AKR1D1: variants seen among roughly 807,000 people sequenced by gnomAD.
The protein encoded by AKR1D1 is aldo-keto reductase family 1 member D1, also known as delta(4)-3-ketosteroid 5-beta-reductase.
In AKR1D1, 32 loss-of-function variants were observed where a neutral mutation model predicts 42.6. That is an observed-to-expected ratio of 0.75 (90% CI 0.57 to 1.01). The LOEUF is 1.01. Ranked by LOEUF, AKR1D1 falls within the 50% of genes least tolerant of loss-of-function variation. AKR1D1 has a pLI of 0.00. For missense variants in AKR1D1, 364 were observed against 402.2 expected (o/e 0.91, Z 0.81); for synonymous variants, 123 against 135.5 (o/e 0.91, Z 0.64).
At chr7:138,081,055 T>C (rs1803044853) in intron 1 of AKR1D1, among the ~76,000 whole-genome samples, 1 of 152,192 alleles carries the variant, frequency 6.6e-6, no homozygotes. Context: ...AAAAGGAGTG[T>C]TCTCTGGGCC....
chr7:138,107,344 G>A (rs1483138047), intron 6 of AKR1D1, 71 bp from the exon 7 acceptor site: 32 of 1,510,210 alleles, frequency 2.1e-5, no homozygotes, highest in Non-Finnish European at 2.9e-5. Flanking sequence ...AGACAGAGGA[G>A]GAGGATGGTT....
At chr7:138,103,317 G>A (rs558099760) in intron 4 of AKR1D1, among the ~76,000 whole-genome samples, 13 of 152,048 alleles carry the variant, frequency 8.5e-5, no homozygotes, top group South Asian at 2.1e-4. Context: ...AATAATAAAA[G>A]GAAAATGAAC....
At chr7:138,092,790 C>T (rs2117436836) in intron 3 of AKR1D1, among the ~76,000 whole-genome samples, 1 of 152,174 alleles carries the variant, frequency 6.6e-6, no homozygotes, top group East Asian at 1.9e-4. Flanking sequence ...ATAAGATACA[C>T]CTATACCTGG....
Position 138,107,439 on chromosome 7 carries a change from G to T in AKR1D1, c.714G>T (p.Leu238Phe). 1 of 1,614,116 alleles carries T rather than the reference G, an allele frequency of 6.2e-7. No homozygotes were observed. The highest frequency in any genetic ancestry group is 2.2e-5 in the East Asian group (1 of 44,876). ...GGGTGAATGTTTCTTCTCCACCTTT[G>T]TTAAAGGATGCACTTCTAAACTCAT... ...PIWVNVSSPP[L>F]LKDALLNSLG... Residue 238 changes from leucine (L) to phenylalanine (F), a missense_variant, in exon 7 of 9, where the codon TTG (leucine) becomes TTT (phenylalanine). Coordinates refer to ENST00000242375, the MANE Select transcript of AKR1D1 (RefSeq NM_005989.4).
rs934194569 is a variant in AKR1D1, at chr7:138,118,006, G to C, written c.*1344G>C. 2 of 151,950 alleles carry C rather than the reference G, an allele frequency of 1.3e-5. No homozygotes were observed. Among genetic ancestry groups the C allele is most frequent in the African/African-American group, 4.8e-5 (2 of 41,356 alleles). 9.4% of individuals were successfully genotyped at this position (151,950 alleles called of 1,614,324 possible). On this transcript the variant is annotated 3_prime_UTR_variant, in exon 9 of 9. Coordinates refer to ENST00000242375, the MANE Select transcript of AKR1D1 (RefSeq NM_005989.4). ...TGCAGTCCGGCCTGGGTGAAAGAGC[G>C]AGACTCCGTCTCAAAAACAAAAAAA...
chr7:138,099,912 C>G (rs574899142), intron 4 of AKR1D1, among the ~76,000 whole-genome samples: 2 of 143,854 alleles, frequency 1.4e-5, no homozygotes, highest in South Asian at 4.3e-4. Flanking sequence ...GACCATGGAG[C>G]ACAAAAGAGG....
chr7:138,115,606 G>T (rs1190143730), intron 8 of AKR1D1, among the ~76,000 whole-genome samples: 1 of 152,084 alleles, frequency 6.6e-6, no homozygotes, highest in Non-Finnish European at 1.5e-5. Context: ...AAATCAGCAA[G>T]GTGGAACAAG....
intron 4 of AKR1D1, 67 bp downstream of exon 4, chr7:138,098,010 T>C (rs1007894390): frequency 2.4e-6 from 3 of 1,237,814 alleles, no homozygotes; most frequent in South Asian, 1.2e-5. Flanking sequence ...ATTATTCCTG[T>C]CATATTTATG....
At position 138,088,738 on chromosome 7, in the gene AKR1D1, G is replaced by A. The variant is rs1268510844; in HGVS notation, c.231G>A (p.Val77=). ...GGGAGAAGATAGCAGAAGGAAAGGT[G>A]CGGAGGGAAGATATCTTCTACTGTG... ...AIREKIAEGK[V]RREDIFYCGK... is the part of the protein sequence containing the mutation. Residue 77 remains valine (V), a synonymous_variant, in exon 2 of 9, where the codon GTG becomes GTA. Coordinates refer to ENST00000242375, the MANE Select transcript of AKR1D1 (RefSeq NM_005989.4). The A allele has an allele frequency of 2.5e-6, 4 of 1,608,642 alleles. No homozygotes were observed. The highest frequency in any genetic ancestry group is 2.7e-5 in the African/African-American group (2 of 74,974).
rs185110954 is a variant in AKR1D1 at position 138,110,364 on chromosome 7, C to T, written c.855+2784C>T. On this transcript the variant is annotated intron_variant, in intron 7 of 8. Transcript: ENST00000242375. ...CTGTAATCCCAGCACTTTGGGAGGC[C>T]GAGGCAGGAAGATTGCTTGAGACCA... Among the ~76,000 whole-genome samples, 16 of 151,806 alleles carry T rather than the reference C, an allele frequency of 1.1e-4. No individual in the cohort carries two copies. In the East Asian group the frequency reaches 2.5e-3, roughly 24 times the overall value.
At chr7:138,113,315 C>CA (rs34789634) in intron 7 of AKR1D1, among the ~76,000 whole-genome samples, 2,105 of 115,602 alleles carry the variant, frequency 0.018, 51 homozygotes, top group African/African-American at 0.06. Flanking sequence ...GACCCTGTCT[C>CA]AAAAAAAAAA....
chr7:138,113,262 G>A (rs1794569014), intron 7 of AKR1D1, among the ~76,000 whole-genome samples: 1 of 151,310 alleles, frequency 6.6e-6, no homozygotes, highest in African/African-American at 2.4e-5. Flanking sequence ...GTTGCAGTGA[G>A]CCAAGATGAT....
intron 4 of AKR1D1, chr7:138,098,225 T>C (rs1215067499): frequency 6.2e-6 from 2 of 320,942 alleles, no homozygotes; most frequent in Admixed American, 4.5e-5. Flanking sequence ...AATTAAAATA[T>C]ATGAATAAGA....
chr7:138,088,428 T>A (rs1441801901), intron 1 of AKR1D1, among the ~76,000 whole-genome samples, 173 bp from the exon 2 acceptor site: 1 of 152,192 alleles, frequency 6.6e-6, no homozygotes, highest in African/African-American at 2.4e-5. Flanking sequence ...CGGAGGCCCC[T>A]GGGAGGTCAG....
chr7:138,099,598 C>T (rs927234484), intron 4 of AKR1D1, among the ~76,000 whole-genome samples: 5 of 150,888 alleles, frequency 3.3e-5, no homozygotes, highest in Non-Finnish European at 7.4e-5. Context: ...AAGAAAAGGA[C>T]AAGAATTTTT....
At chr7:138,105,520 A>C in intron 5 of AKR1D1, 91 bp downstream of exon 5, 51 of 1,548,456 alleles carry the variant, frequency 3.3e-5, no homozygotes, top group Non-Finnish European at 3.9e-5. Flanking sequence ...AGGAAGGCTC[A>C]TGATTGCTCC....
chr7:138,111,505 A>T (rs1428696926), intron 7 of AKR1D1, among the ~76,000 whole-genome samples: 3 of 152,228 alleles, frequency 2.0e-5, no homozygotes, highest in Admixed American at 2.0e-4. Context: ...CATCTGATAC[A>T]GTTAACAATA....
At chr7:138,104,545 A>C (rs748686433) in intron 4 of AKR1D1, among the ~76,000 whole-genome samples, 3 of 152,030 alleles carry the variant, frequency 2.0e-5, no homozygotes, top group Non-Finnish European at 4.4e-5. Flanking sequence ...TAAAAATATA[A>C]AACTAGCCGG....
intron 1 of AKR1D1, among the ~76,000 whole-genome samples, chr7:138,078,966 T>C (rs1297880947): frequency 2.0e-5 from 3 of 152,220 alleles, no homozygotes; most frequent in Non-Finnish European, 4.4e-5. Context: ...TTCTCAGGAA[T>C]GTGCCATCCT....
Sources: allele counts gnomAD v4.1 joint callset (sites outside exome capture counted in the v4.1 genomes callset), GRCh38; gene constraint gnomAD v4.1.1; transcripts MANE v1.5; gene names NCBI Gene and HGNC (gene_info 2026-07-23, HGNC 2026-07-21).